The following VMP1 variants were observed in gnomAD, a reference collection of about 807,000 sequenced individuals.
The protein encoded by VMP1 is vacuole membrane protein 1.
Under a neutral mutation model 56.0 loss-of-function variants are expected in VMP1, and 11 were observed. The ratio of observed to expected loss-of-function variants is 0.20; its 90% CI spans 0.12 to 0.32. The LOEUF is 0.32. Among genes scored for constraint, VMP1 ranks in the 10% least tolerant of loss-of-function variants. VMP1 has a pLI of 1.00. For missense variants in VMP1, 296 were observed against 490.3 expected, an observed-to-expected ratio of 0.60 and a Z score of 3.74; for synonymous variants, 149 against 165.0, an observed-to-expected ratio of 0.90 and a Z score of 0.74.
At chr17:59,793,733 T>G (rs2037322141) in intron 7 of VMP1, among the ~76,000 whole-genome samples, 1 of 108,696 alleles carries the variant, frequency 9.2e-6, no homozygotes, top group African/African-American at 2.7e-5. Context: ...TTCAAGCAAT[T>G]CTCCTGCCTC....
intron 6 of VMP1, among the ~76,000 whole-genome samples, chr17:59,771,726 C>G (rs1359387571): frequency 1.3e-5 from 2 of 150,944 alleles, no homozygotes; most frequent in African/African-American, 4.9e-5. Flanking sequence ...CCTACCTCAG[C>G]CTCCCAAGTA....
intron 1 of VMP1, among the ~76,000 whole-genome samples, chr17:59,716,802 A>G (rs1238797796): frequency 6.6e-6 from 1 of 152,092 alleles, no homozygotes; most frequent in Non-Finnish European, 1.5e-5. Context: ...TTACAACTAG[A>G]AAGGAAATTA....
intron 1 of VMP1, among the ~76,000 whole-genome samples, chr17:59,712,687 A>G (rs926140915): frequency 6.6e-6 from 1 of 152,232 alleles, no homozygotes; most frequent in Non-Finnish European, 1.5e-5. Context: ...CTTGGAATAC[A>G]TTGACATGAG....
At chr17:59,771,782 T>C (rs2036435671) in intron 6 of VMP1, among the ~76,000 whole-genome samples, 1 of 151,726 alleles carries the variant, frequency 6.6e-6, no homozygotes, top group African/African-American at 2.4e-5. Context: ...AGCCTCATTA[T>C]GTTGCCCAGG....
chr17:59,814,670 A>G (rs536215733), intron 9 of VMP1, among the ~76,000 whole-genome samples: 1 of 152,104 alleles, frequency 6.6e-6, no homozygotes, highest in African/African-American at 2.4e-5. Context: ...AAGGTAAAAT[A>G]CTTGCCTAAG....
intron 1 of VMP1, among the ~76,000 whole-genome samples, chr17:59,710,564 C>T (rs1206381133): frequency 6.6e-6 from 1 of 152,170 alleles, no homozygotes; most frequent in Non-Finnish European, 1.5e-5. Flanking sequence ...CCCTCTTTAG[C>T]TAGTTTAGTC....
At chr17:59,835,813 T>C (rs2038962634) in intron 10 of VMP1, among the ~76,000 whole-genome samples, 1 of 149,708 alleles carries the variant, frequency 6.7e-6, no homozygotes, top group Admixed American at 6.6e-5. Context: ...GTTTTCAAAG[T>C]CAACCTTTTT....
At chr17:59,780,940 A>G (rs1440321551) in intron 7 of VMP1, among the ~76,000 whole-genome samples, 3 of 151,884 alleles carry the variant, frequency 2.0e-5, no homozygotes. Context: ...GTTTCCATCA[A>G]TTTTGTGGCT....
At chr17:59,798,657 C>CAG (rs1046963035) in intron 7 of VMP1, among the ~76,000 whole-genome samples, 25 of 152,338 alleles carry the variant, frequency 1.6e-4, no homozygotes, top group African/African-American at 5.8e-4. Flanking sequence ...GAGGCCAAGG[C>CAG]AGGCGGATCA....
intron 5 of VMP1, among the ~76,000 whole-genome samples, chr17:59,756,683 T>C (rs1479615273): frequency 1.3e-5 from 2 of 152,188 alleles, no homozygotes; most frequent in Non-Finnish European, 2.9e-5. Flanking sequence ...AAAATACTCA[T>C]ACACACACAA....
intron 5 of VMP1, among the ~76,000 whole-genome samples, chr17:59,763,209 A>C (rs2036119384): frequency 1.3e-5 from 2 of 152,054 alleles, no homozygotes; most frequent in African/African-American, 2.4e-5. Flanking sequence ...ATGTTTCACA[A>C]ACTATGCAGT....
intron 10 of VMP1, among the ~76,000 whole-genome samples, chr17:59,818,086 T>C (rs1259146766): frequency 6.6e-6 from 1 of 152,168 alleles, no homozygotes; most frequent in Non-Finnish European, 1.5e-5. Context: ...ATAAAAGATA[T>C]GTGTATATCA....
chr17:59,809,753 G>T (rs999260536), intron 8 of VMP1, among the ~76,000 whole-genome samples: 6 of 151,734 alleles, frequency 4.0e-5, no homozygotes, highest in African/African-American at 9.7e-5. Context: ...TGATCCGCCC[G>T]CCTCGGCCTC....
chr17:59,744,890 A>G (rs1270596978), intron 5 of VMP1, among the ~76,000 whole-genome samples: 2 of 152,178 alleles, frequency 1.3e-5, no homozygotes, highest in Admixed American at 1.3e-4. Context: ...TATAAAATAT[A>G]ATTTGCAGAA....
chr17:59,726,942 C>T (rs2034629625), intron 1 of VMP1, among the ~76,000 whole-genome samples: 2 of 152,156 alleles, frequency 1.3e-5, no homozygotes, highest in African/African-American at 4.8e-5. Context: ...CTTTCTACTT[C>T]ACGATCTTCA....
At chr17:59,751,849 T>C (rs1440079986) in intron 5 of VMP1, among the ~76,000 whole-genome samples, 3 of 151,722 alleles carry the variant, frequency 2.0e-5, no homozygotes, top group Non-Finnish European at 4.4e-5. Context: ...AGGGTTTCTC[T>C]CTGTTGCCAG....
intron 1 of VMP1, among the ~76,000 whole-genome samples, chr17:59,718,448 G>T (rs952197880): frequency 7.9e-5 from 12 of 151,312 alleles, no homozygotes; most frequent in Non-Finnish European, 4.4e-5. Context: ...TGCCCGCCTC[G>T]GCCTCCCAAA....
intron 1 of VMP1, among the ~76,000 whole-genome samples, chr17:59,721,367 G>A (rs1218089525): frequency 6.6e-6 from 1 of 152,042 alleles, no homozygotes; most frequent in African/African-American, 2.4e-5. Context: ...AATAAGGATG[G>A]GGATATTTTA....
At chr17:59,763,550 T>G (rs944034554) in intron 5 of VMP1, among the ~76,000 whole-genome samples, 1 of 152,174 alleles carries the variant, frequency 6.6e-6, no homozygotes, top group Non-Finnish European at 1.5e-5. Flanking sequence ...TTAGGTATTA[T>G]TTTAACAGAA....
Sources: gnomAD v4.1 joint callset for allele counts (sites outside exome capture counted in the v4.1 genomes callset) on GRCh38, gnomAD v4.1.1 for gene constraint, MANE v1.5 for transcripts, NCBI Gene and HGNC (gene_info 2026-07-23, HGNC 2026-07-21) for gene names.